The following APBB2 variants were observed in gnomAD, a reference collection of about 807,000 sequenced individuals.
APBB2 encodes the protein amyloid beta precursor protein binding family B member 2, also known as Fe65-like 1.
In APBB2, 38 loss-of-function variants were observed where a neutral mutation model predicts 82.5. That is an observed-to-expected ratio of 0.46 (90% CI 0.36 to 0.60). The LOEUF (loss-of-function observed/expected upper bound fraction) is 0.60, where lower values mean the gene tolerates loss of function less well. Ranked by LOEUF, APBB2 falls within the 20% of genes least tolerant of loss-of-function variation. The probability of loss-of-function intolerance (pLI) is 0.00; values close to 1 mark genes in which losing one functional copy is unlikely to be tolerated. For missense variants in APBB2, 772 were observed against 972.3 expected (o/e 0.79, Z 2.74); for synonymous variants, 341 against 368.2 (o/e 0.93, Z 0.85).
At chr4:41,146,854 G>A (rs940210736) in intron 1 of APBB2, among the ~76,000 whole-genome samples, 1 of 152,200 alleles carries the variant, frequency 6.6e-6, no homozygotes, top group African/African-American at 2.4e-5. Flanking sequence ...CATGAACTGT[G>A]AGGCTGCGCA....
intron 17 of APBB2, among the ~76,000 whole-genome samples, chr4:40,820,665 CAATAAATA>C (rs140718176): frequency 7.2e-5 from 11 of 151,834 alleles, no homozygotes; most frequent in Admixed American, 2.6e-4. Flanking sequence ...AACTTCATCT[CAATAAATA>C]AATAAATAAA....
intron 4 of APBB2, among the ~76,000 whole-genome samples, chr4:41,062,965 C>T (rs1393365903): frequency 6.6e-6 from 1 of 152,168 alleles, no homozygotes; most frequent in Non-Finnish European, 1.5e-5. Flanking sequence ...ATGTGTCATT[C>T]TCTAAGATGA....
At chr4:40,971,721 A>G (rs534447519) in intron 6 of APBB2, among the ~76,000 whole-genome samples, 1 of 152,230 alleles carries the variant, frequency 6.6e-6, no homozygotes, top group Admixed American at 6.5e-5. Context: ...AAGTAGAGAA[A>G]GAAAACCTAT....
At chr4:41,106,327 G>A (rs1337947138) in intron 2 of APBB2, among the ~76,000 whole-genome samples, 1 of 152,184 alleles carries the variant, frequency 6.6e-6, no homozygotes, top group Non-Finnish European at 1.5e-5. Context: ...AAAGCCCAAA[G>A]ACCTTCACTT....
intron 10 of APBB2, among the ~76,000 whole-genome samples, chr4:40,920,381 T>C (rs1258235361): frequency 2.0e-5 from 3 of 152,222 alleles, no homozygotes; most frequent in African/African-American, 7.2e-5. Flanking sequence ...GTGTATGTCT[T>C]TATTAGCAGC....
At chr4:40,991,473 T>C (rs1360198321) in intron 6 of APBB2, among the ~76,000 whole-genome samples, 1 of 152,120 alleles carries the variant, frequency 6.6e-6, no homozygotes, top group African/African-American at 2.4e-5. Flanking sequence ...TTAGATGAAA[T>C]TGTGCTAGGC....
At chr4:40,876,993 CCACCA>C (rs987641975) in intron 12 of APBB2, among the ~76,000 whole-genome samples, 2 of 152,240 alleles carry the variant, frequency 1.3e-5, no homozygotes, top group Admixed American at 6.5e-5. Flanking sequence ...TTAGGGCTGA[CCACCA>C]CTATGGGTGG....
rs1789176054 is a variant in APBB2, at chr4:40,948,776, A to G, written c.836-3703T>C. Among the ~76,000 whole-genome samples, 4 of 149,624 alleles carry G rather than the reference A, an allele frequency of 2.7e-5. No homozygotes were observed. In the South Asian group the frequency reaches 8.4e-4, roughly 32 times the overall value. On this transcript the variant is annotated intron_variant, in intron 6 of 17. Transcript: ENST00000508593. Reference sequence around the variant, plus strand: ...CTCCCATCTTAAAAAAAAAAAAAAAAAAAAAAAGAGCCTAATGTGGGAGAA... The same window carrying G: ...CTCCCATCTTAAAAAAAAAAAAAAAGAAAAAAAGAGCCTAATGTGGGAGAA...
chr4:41,119,689 C>G (rs563328313), intron 2 of APBB2, among the ~76,000 whole-genome samples: 1 of 152,058 alleles, frequency 6.6e-6, no homozygotes, highest in Non-Finnish European at 1.5e-5. Flanking sequence ...GGGAGCTCAG[C>G]CTTTCACATA....
intron 6 of APBB2, among the ~76,000 whole-genome samples, chr4:40,984,269 G>A (rs142584024): frequency 2.0e-5 from 3 of 152,250 alleles, no homozygotes; most frequent in African/African-American, 7.2e-5. Flanking sequence ...TGTCTGGATC[G>A]TTAACATTTG....
intron 12 of APBB2, among the ~76,000 whole-genome samples, chr4:40,833,365 G>C (rs1340076396): frequency 6.6e-6 from 1 of 152,150 alleles, no homozygotes. Flanking sequence ...AGAAGAGGTG[G>C]GTCTTGGTGT....
chr4:41,200,069 TTGAA>T (rs1776326978), intron 1 of APBB2, among the ~76,000 whole-genome samples: 1 of 152,208 alleles, frequency 6.6e-6, no homozygotes, highest in Non-Finnish European at 1.5e-5. Context: ...GAATTACTCT[TTGAA>T]TGACATCAGA....
chr4:41,059,096 C>G (rs1022039385), intron 4 of APBB2, among the ~76,000 whole-genome samples: 1 of 152,056 alleles, frequency 6.6e-6, no homozygotes, highest in Non-Finnish European at 1.5e-5. Context: ...AAAATTTAAA[C>G]GGCTCCCACC....
chr4:40,840,118 G>T (rs1001541197), intron 12 of APBB2, among the ~76,000 whole-genome samples: 8 of 152,366 alleles, frequency 5.3e-5, no homozygotes, highest in Admixed American at 1.3e-4. Flanking sequence ...TAAGACAGCA[G>T]CAAACGGATT....
rs777910826 is a variant in APBB2 at position 40,832,013 on chromosome 4, T to TATATATAC, written c.1530-1437_1530-1436insGTATATAT. ...ACACATATTTATATATTTATTTATA[T>TATATATAC]ACACACACACACACACACACACACA... is the stretch of plus-strand genomic sequence containing the variant. On this transcript the variant is annotated intron_variant, in intron 12 of 17. Transcript: ENST00000508593. This position sits in a 1 kb window ranked among gnomAD's most constrained non-coding sequence, Gnocchi z 4.8. Among the ~76,000 whole-genome samples the TATATATAC allele has an allele frequency of 2.7e-4, 37 of 138,970 alleles. No homozygotes were observed. The highest frequency in any genetic ancestry group is 6.5e-4 in the African/African-American group (24 of 37,132). The allele number at this position is 138,970 out of a possible 152,430, so 91.2% of individuals were successfully genotyped here. A position where few individuals can be genotyped will look rare whatever the true frequency, so the allele number is the denominator to read the frequency against.
intron 12 of APBB2, among the ~76,000 whole-genome samples, chr4:40,854,033 A>G (rs1289515140): frequency 2.0e-5 from 3 of 152,196 alleles, no homozygotes; most frequent in African/African-American, 7.2e-5. Flanking sequence ...TGCCTGACAC[A>G]TGGATGCTCC....
chr4:40,869,040 C>A (rs1375479472), intron 12 of APBB2, among the ~76,000 whole-genome samples: 2 of 149,724 alleles, frequency 1.3e-5, no homozygotes, highest in African/African-American at 2.5e-5. Flanking sequence ...TTTTTTTTTT[C>A]TTCTTTGAGA....
chr4:41,096,735 G>T (rs533624228), intron 3 of APBB2, among the ~76,000 whole-genome samples: 10 of 152,260 alleles, frequency 6.6e-5, no homozygotes, highest in African/African-American at 2.4e-4. Context: ...ATTTTGAAAG[G>T]TATAGGTCAA....
intron 10 of APBB2, among the ~76,000 whole-genome samples, chr4:40,907,379 A>ATATATATTTTTTTT (rs1491382228): frequency 2.7e-5 from 1 of 37,398 alleles, no homozygotes; most frequent in African/African-American, 1.2e-4. Flanking sequence ...ATATATATAT[A>ATATATATTTTTTTT]TTTTTTTTTT....
Sources: allele counts gnomAD v4.1 joint callset (sites outside exome capture counted in the v4.1 genomes callset), GRCh38; gene constraint gnomAD v4.1.1; non-coding constraint Gnocchi (gnomAD v3.1); transcripts MANE v1.5; gene names NCBI Gene and HGNC (gene_info 2026-07-23, HGNC 2026-07-21).